Variants in CAPZB observed in about 807,000 individuals in gnomAD.
CAPZB encodes capping actin protein of muscle Z-line subunit beta, also known as F-actin-capping protein subunit beta.
CAPZB carries 2 observed loss-of-function variants against 38.1 expected under a neutral mutation model. The observed-to-expected ratio is 0.05, with a 90% CI of 0.02 to 0.17. The LOEUF (loss-of-function observed/expected upper bound fraction) is 0.17, where lower values mean the gene tolerates loss of function less well. CAPZB is among the 10% of genes least tolerant of loss of function. The pLI, the probability that CAPZB is intolerant of heterozygous loss-of-function variation, is 1.00. For synonymous variants in CAPZB, 107 were observed against 127.4 expected, an observed-to-expected ratio of 0.84 and a Z score of 1.08; for missense variants, 161 against 334.2, an observed-to-expected ratio of 0.48 and a Z score of 4.04.
At chr1:19,376,405 AG>A (rs1431323530) in intron 4 of CAPZB, among the ~76,000 whole-genome samples, 1 of 152,226 alleles carries the variant, frequency 6.6e-6, no homozygotes, top group Non-Finnish European at 1.5e-5. Context: ...TACATATAAA[AG>A]GGGCCAATTT....
chr1:19,417,822 C>T (rs2094386439), intron 2 of CAPZB, among the ~76,000 whole-genome samples: 1 of 152,134 alleles, frequency 6.6e-6, no homozygotes, highest in African/African-American at 2.4e-5. Flanking sequence ...GCCAATCTAA[C>T]GTGCAGCCCA....
rs542481555 is a variant in CAPZB at position 19,484,345 on chromosome 1, G to T, written c.3+1091C>A. 8.3e-6 allele frequency: 13 copies of T among 1,567,032 alleles called. No individual in the cohort carries two copies. In the Middle Eastern group the frequency reaches 6.7e-4, roughly 80 times the overall value. On this transcript the variant is annotated intron_variant, in intron 1 of 8. Coordinates refer to ENST00000264202, the MANE Select transcript of CAPZB (RefSeq NM_004930.5). ...CCCAAGGCCACGGCCTCACAAGGGC[G>T]ATTGTGCGTTCATCCTTGTCCTGTG...
intron 1 of CAPZB, among the ~76,000 whole-genome samples, chr1:19,472,498 C>G (rs909696961): frequency 6.6e-6 from 1 of 152,138 alleles, no homozygotes; most frequent in Non-Finnish European, 1.5e-5. Context: ...TAGCCAATGA[C>G]AGCTTTATCC....
At chr1:19,370,362 AG>A (rs1335102951) in intron 4 of CAPZB, among the ~76,000 whole-genome samples, 3 of 152,196 alleles carry the variant, frequency 2.0e-5, no homozygotes, top group Non-Finnish European at 2.9e-5. Flanking sequence ...GGGTTATTGA[AG>A]GGAACAGAGC....
chr1:19,435,335 G>T (rs1324673866), intron 1 of CAPZB, among the ~76,000 whole-genome samples: 2 of 151,582 alleles, frequency 1.3e-5, no homozygotes, highest in Admixed American at 6.5e-5. Context: ...TGAGGAAGGA[G>T]CTTAACATCC....
chr1:19,364,934 C>G (rs1359667070), intron 4 of CAPZB, among the ~76,000 whole-genome samples: 1 of 151,882 alleles, frequency 6.6e-6, no homozygotes, highest in African/African-American at 2.4e-5. Flanking sequence ...GCAGCCTCGA[C>G]ATTCTGGGCT....
intron 8 of CAPZB, 74 bp from the exon 9 acceptor site, chr1:19,339,691 T>G: frequency 9.0e-7 from 1 of 1,115,232 alleles, no homozygotes; most frequent in Middle Eastern, 2.1e-4. Context: ...GGGGCCACCA[T>G]GCCAGTGCCT....
chr1:19,363,659 C>T (rs1362610868), intron 4 of CAPZB, among the ~76,000 whole-genome samples: 1 of 152,130 alleles, frequency 6.6e-6, no homozygotes, highest in African/African-American at 2.4e-5. Context: ...GTGTCTGAAG[C>T]TGAGGTGTGC....
chr1:19,459,561 G>A (rs891661119), intron 1 of CAPZB, among the ~76,000 whole-genome samples: 1 of 152,148 alleles, frequency 6.6e-6, no homozygotes, highest in African/African-American at 2.4e-5. Context: ...AAACGGGATA[G>A]GGGCTGGGAG....
intron 6 of CAPZB, 127 bp from the exon 7 acceptor site, chr1:19,345,379 G>T: frequency 2.7e-6 from 2 of 752,824 alleles, no homozygotes; most frequent in Non-Finnish European, 4.6e-6. Flanking sequence ...CTGCAGGTAT[G>T]ACAAGGCCAG....
chr1:19,356,773 C>T lies in CAPZB; in HGVS notation c.472-22G>A. On this transcript the variant is annotated intron_variant, in intron 5 of 8. Coordinates refer to ENST00000264202, the MANE Select transcript of CAPZB (RefSeq NM_004930.5). This position sits in a 1 kb window ranked among gnomAD's most constrained non-coding sequence, Gnocchi z 4.3. ...TCTCCTGGAAGGACAAGACAGAGAT[C>T]TGTTGAGCTGAGGGAGAGCCTGAAG... 1.3e-6 allele frequency: 2 copies of T among 1,554,602 alleles called. No homozygotes were observed. The highest frequency in any genetic ancestry group is 1.7e-4 in the Middle Eastern group (1 of 5,944).
At chr1:19,460,361 C>T (rs1315913174) in intron 1 of CAPZB, among the ~76,000 whole-genome samples, 1 of 152,228 alleles carries the variant, frequency 6.6e-6, no homozygotes, top group African/African-American at 2.4e-5. Flanking sequence ...ACTGCAAGCT[C>T]TGCCTCCCGG....
At chr1:19,462,707 G>A (rs1308859817) in intron 1 of CAPZB, among the ~76,000 whole-genome samples, 1 of 152,172 alleles carries the variant, frequency 6.6e-6, no homozygotes, top group African/African-American at 2.4e-5. Flanking sequence ...CCAGTTGAAT[G>A]GCATTCCCTC....
At chr1:19,477,670 C>T (rs1265776387) in intron 1 of CAPZB, among the ~76,000 whole-genome samples, 1 of 152,248 alleles carries the variant, frequency 6.6e-6, no homozygotes, top group African/African-American at 2.4e-5. Flanking sequence ...GAAAAGGGCA[C>T]CGGTACCACC....
At chr1:19,428,415 C>A (rs1363382232) in intron 1 of CAPZB, among the ~76,000 whole-genome samples, 3 of 148,324 alleles carry the variant, frequency 2.0e-5, no homozygotes, top group Admixed American at 6.9e-5. Flanking sequence ...CCTCCCCCCA[C>A]CTGCCAAAAA....
intron 2 of CAPZB, among the ~76,000 whole-genome samples, chr1:19,386,492 T>C (rs1195226547): frequency 6.6e-6 from 1 of 152,228 alleles, no homozygotes; most frequent in Admixed American, 6.5e-5. Flanking sequence ...GGCTCCACCA[T>C]ATCGTTTACC....
chr1:19,467,583 T>C (rs1365868209), intron 1 of CAPZB, among the ~76,000 whole-genome samples: 1 of 152,210 alleles, frequency 6.6e-6, no homozygotes, highest in Admixed American at 6.5e-5. Flanking sequence ...ACACCCGCCC[T>C]GAGACTACTA....
At chr1:19,370,868 G>A (rs2094116276) in intron 4 of CAPZB, among the ~76,000 whole-genome samples, 1 of 152,100 alleles carries the variant, frequency 6.6e-6, no homozygotes, top group African/African-American at 2.4e-5. Context: ...CTTCCCCACC[G>A]CAGGACCCAG....
At chr1:19,471,865 CAAAAAAAAAAAAAAAAAAAAAAAAAAAAA>C (rs59289947) in intron 1 of CAPZB, among the ~76,000 whole-genome samples, 2 of 134,414 alleles carry the variant, frequency 1.5e-5, no homozygotes, top group African/African-American at 3.0e-5. Flanking sequence ...GACTCCGTCT[CAAAAAAAAAAAAAAAAAAAAAAAAAAAAA>C]AAAAAAAAAA....
Sources: allele counts gnomAD v4.1 joint callset (sites outside exome capture counted in the v4.1 genomes callset), GRCh38; gene constraint gnomAD v4.1.1; non-coding constraint Gnocchi (gnomAD v3.1); transcripts MANE v1.5; gene names NCBI Gene and HGNC (gene_info 2026-07-23, HGNC 2026-07-21).